The following PAQR3 variants were observed in gnomAD, a reference collection of about 807,000 sequenced individuals.
PAQR3 encodes the protein progestin and adipoQ receptor family member 3.
In PAQR3, 39 loss-of-function variants were observed where a neutral mutation model predicts 41.7. The observed-to-expected ratio is 0.93, with a 90% CI of 0.72 to 1.22. The LOEUF (loss-of-function observed/expected upper bound fraction) is 1.22. Among genes scored for constraint, PAQR3 ranks in the 50% most tolerant of loss-of-function variants. The pLI, the probability that PAQR3 is intolerant of heterozygous loss-of-function variation, is 0.00. For synonymous variants in PAQR3, 140 were observed against 140.6 expected (o/e 1.00, Z 0.03); for missense variants, 366 against 385.6 (o/e 0.95, Z 0.42).
chr4:78,907,507 G>C (rs1734346480), downstream of PAQR3, among the ~76,000 whole-genome samples: 1 of 152,140 alleles, frequency 6.6e-6, no homozygotes, highest in Non-Finnish European at 1.5e-5. Flanking sequence ...ACTAGAAATG[G>C]AAAATTTCAA....
downstream of PAQR3, chr4:78,910,696 G>C (rs376419752): frequency 1.2e-6 from 2 of 1,611,446 alleles, no homozygotes; most frequent in South Asian, 1.1e-5. Context: ...AACAAGTCCA[G>C]CATCTAAAGA....
At chr4:78,910,939 G>A (rs1734558541), downstream of PAQR3, 1 of 1,613,748 alleles carries the variant, frequency 6.2e-7, no homozygotes, top group East Asian at 2.2e-5. Flanking sequence ...GGAAGAAGAG[G>A]AGAAACATAG....
At chr4:78,888,495 A>C (rs548978775) in intron 11 of PAQR3, among the ~76,000 whole-genome samples, 1 of 152,220 alleles carries the variant, frequency 6.6e-6, no homozygotes, top group Non-Finnish European at 1.5e-5. Flanking sequence ...GCTCTTTTAC[A>C]TCCTCTGTTA....
intron 11 of PAQR3, among the ~76,000 whole-genome samples, chr4:78,901,490 G>C (rs1680198121): frequency 6.6e-6 from 1 of 152,136 alleles, no homozygotes; most frequent in African/African-American, 2.4e-5. Context: ...TGTAGAACCT[G>C]TTTGTGAGGA....
downstream of PAQR3, among the ~76,000 whole-genome samples, chr4:78,907,035 G>A (rs1296596683): frequency 1.3e-5 from 2 of 151,844 alleles, no homozygotes; most frequent in Non-Finnish European, 2.9e-5. Context: ...ACTCCTTGAA[G>A]GAAAAAGTGC....
At position 78,918,640 on chromosome 4, in the gene PAQR3, A is replaced by C. The variant is rs570981551; in HGVS notation, c.*1899T>G. On this transcript the variant is annotated 3_prime_UTR_variant, in exon 6 of 6. Transcript: ENST00000512733. ...ATACTCTTTTCATGTTATTAATTCA[A>C]ATGGCAAGTATGTATTCATATACTA... 2.2e-5 allele frequency: 21 copies of C among 953,484 alleles called. No homozygotes were observed. The South Asian group carries it at 5.3e-4, about 24-fold the overall frequency. 59.1% of individuals were successfully genotyped at this position (953,484 alleles called of 1,614,324 possible).
intron 2 of PAQR3, 105 bp downstream of exon 2, chr4:78,935,016 C>T (rs1297768663): frequency 7.1e-6 from 7 of 980,776 alleles, no homozygotes; most frequent in Admixed American, 4.6e-5. Context: ...CATGCCATTC[C>T]GGGGCTCTTT....
chr4:78,907,266 C>T (rs190493198), downstream of PAQR3, among the ~76,000 whole-genome samples: 4 of 152,164 alleles, frequency 2.6e-5, no homozygotes, highest in Non-Finnish European at 5.9e-5. Flanking sequence ...ATTAATACAA[C>T]TTTGATAAAT....
chr4:78,891,977 TG>T (rs1733463547), intron 11 of PAQR3, among the ~76,000 whole-genome samples: 1 of 152,186 alleles, frequency 6.6e-6, no homozygotes. Flanking sequence ...TAGTTGACCA[TG>T]ATTTCTTTTA....
intron 3 of PAQR3, among the ~76,000 whole-genome samples, chr4:78,929,807 CAA>C (rs1240452954): frequency 2.0e-5 from 3 of 152,008 alleles, no homozygotes; most frequent in Non-Finnish European, 4.4e-5. Flanking sequence ...ATAATTTTAA[CAA>C]GTGTTAATTT....
At chr4:78,931,185 TA>T (rs1553925635) in intron 2 of PAQR3, among the ~76,000 whole-genome samples, 1,833 of 114,848 alleles carry the variant, frequency 0.016, 18 homozygotes, top group Non-Finnish European at 0.024. Flanking sequence ...CCTCATTTCT[TA>T]AAAAAAAAAA....
chr4:78,912,046 G>A lies in PAQR3; in HGVS notation c.*8493C>T. The A allele has an allele frequency of 6.4e-7, 1 of 1,566,964 alleles. No homozygotes were observed. Among genetic ancestry groups the A allele is most frequent in the Non-Finnish European group, 8.7e-7 (1 of 1,155,184 alleles). On this transcript the variant is annotated 3_prime_UTR_variant, in exon 6 of 6. Coordinates refer to ENST00000512733, the MANE Select transcript of PAQR3 (RefSeq NM_001040202.2). ...TTCTAAACAGTAGATACTTCTGATG[G>A]ATTCTCGGCATTAACTCCTGTTTCA... is the stretch of plus-strand genomic sequence containing the variant.
chr4:78,903,094 G>GGTATT (rs150095379), intron 11 of PAQR3, among the ~76,000 whole-genome samples: 1,800 of 151,838 alleles, frequency 0.012, 14 homozygotes, highest in Non-Finnish European at 0.02. Flanking sequence ...TTCCCACCAA[G>GGTATT]GTATTGTATT....
Position 78,920,555 on chromosome 4 carries a change from TAGTC to T in PAQR3, c.916_919del (p.Asp306MetfsTer13), listed in dbSNP as rs754181767. ...ATACCTAATTCACAAATGTGAAACA[TAGTC>T]AGGACAAGGCTTGCTATGTCTGTAC... is the stretch of plus-strand genomic sequence containing the variant. On this transcript the variant is annotated frameshift_variant, in exon 6 of 6. Coordinates refer to ENST00000512733, the MANE Select transcript of PAQR3 (RefSeq NM_001040202.2). LOFTEE classifies it high-confidence loss of function. The T allele has an allele frequency of 2.3e-5, 37 of 1,607,654 alleles. No individual in the cohort carries two copies. Among genetic ancestry groups the T allele is most frequent in the Non-Finnish European group, 2.9e-5 (34 of 1,176,936 alleles).
intron 5 of PAQR3, 78 bp from the exon 6 acceptor site, chr4:78,920,759 T>C: frequency 6.9e-7 from 1 of 1,456,666 alleles, no homozygotes; most frequent in Non-Finnish European, 9.2e-7. Flanking sequence ...CTTGGAAGTA[T>C]AGCTTAGCAG....
chr4:78,933,895 C>T (rs1737163367), intron 2 of PAQR3, among the ~76,000 whole-genome samples: 1 of 152,100 alleles, frequency 6.6e-6, no homozygotes, highest in Non-Finnish European at 1.5e-5. Flanking sequence ...CAGGGATTCT[C>T]AAAGTAGATA....
chr4:78,913,650 T>C lies in PAQR3; in HGVS notation c.*6889A>G, dbSNP rs896462933. On this transcript the variant is annotated 3_prime_UTR_variant, in exon 6 of 6. Transcript: ENST00000512733. ...TTAGGAATCTCTTATAGTGCCCCAATGGGATAAGCTATTTGCCTATTTTCA... is the reference window on the plus strand; with the variant it reads ...TTAGGAATCTCTTATAGTGCCCCAACGGGATAAGCTATTTGCCTATTTTCA... The C allele has an allele frequency of 2.6e-5, 4 of 152,172 alleles. No homozygotes were observed. The highest frequency in any genetic ancestry group is 9.6e-5 in the African/African-American group (4 of 41,462). 9.4% of individuals were successfully genotyped at this position (152,172 alleles called of 1,614,324 possible). A position where few individuals can be genotyped will look rare whatever the true frequency, so the allele number is the denominator to read the frequency against.
Position 78,912,417 on chromosome 4 carries a change from G to C in PAQR3, c.*8122C>G, listed in dbSNP as rs1411286069. 1 of 167,992 alleles carries C rather than the reference G, an allele frequency of 6.0e-6. No individual in the cohort carries two copies. The highest frequency in any genetic ancestry group is 1.3e-5 in the Non-Finnish European group (1 of 78,476). 10.4% of individuals were successfully genotyped at this position (167,992 alleles called of 1,614,324 possible). On this transcript the variant is annotated 3_prime_UTR_variant, in exon 6 of 6. Transcript: ENST00000512733. ...TTTATGTGCATATCCCTAAAATTAG[G>C]GTTATTTCTACATACACTAGTTACA...
intron 11 of PAQR3, among the ~76,000 whole-genome samples, chr4:78,894,083 A>T (rs536565690): frequency 6.6e-6 from 1 of 152,350 alleles, no homozygotes; most frequent in South Asian, 2.1e-4. Context: ...ACTATGCTGG[A>T]AACAGATGTG....
Sources: gnomAD v4.1 joint callset for allele counts (sites outside exome capture counted in the v4.1 genomes callset) on GRCh38, gnomAD v4.1.1 for gene constraint, MANE v1.5 for transcripts, NCBI Gene and HGNC (gene_info 2026-07-23, HGNC 2026-07-21) for gene names.